The following CSMD3 variants were observed in gnomAD, a reference collection of about 807,000 sequenced individuals.
CSMD3 encodes CUB and Sushi multiple domains 3.
A neutral mutation model predicts 435.2 loss-of-function variants in CSMD3; 177 were observed. The ratio of observed to expected loss-of-function variants is 0.41; its 90% CI spans 0.36 to 0.46. The LOEUF (loss-of-function observed/expected upper bound fraction) is 0.46. Among genes scored for constraint, CSMD3 ranks in the 20% least tolerant of loss-of-function variants. The probability of loss-of-function intolerance (pLI) is 0.34; values close to 1 mark genes in which losing one functional copy is unlikely to be tolerated. For synonymous variants in CSMD3, 1,656 were observed against 1,520.5 expected, an observed-to-expected ratio of 1.09 and a Z score of -2.07; for missense variants, 4,265 against 4,504.6, an observed-to-expected ratio of 0.95 and a Z score of 1.52.
intron 32 of CSMD3, among the ~76,000 whole-genome samples, chr8:112,420,216 C>T (rs1812328964): frequency 6.6e-6 from 1 of 151,980 alleles, no homozygotes; most frequent in Non-Finnish European, 1.5e-5. Flanking sequence ...AAACCATCAC[C>T]CAACTTCAAC....
chr8:112,319,617 C>G (rs1822800358), intron 46 of CSMD3, among the ~76,000 whole-genome samples: 1 of 152,098 alleles, frequency 6.6e-6, no homozygotes, highest in African/African-American at 2.4e-5. Context: ...CAGAAGGCAG[C>G]AAAATAATAG....
At chr8:112,917,321 AG>A (rs1199560229) in intron 10 of CSMD3, among the ~76,000 whole-genome samples, 1 of 151,974 alleles carries the variant, frequency 6.6e-6, no homozygotes, top group African/African-American at 2.4e-5. Context: ...GTAATTGTAA[AG>A]TAATTTTGAA....
At chr8:112,945,418 C>T (rs1186573329) in intron 9 of CSMD3, among the ~76,000 whole-genome samples, 1 of 151,650 alleles carries the variant, frequency 6.6e-6, no homozygotes, top group Non-Finnish European at 1.5e-5. Flanking sequence ...TTTACAACTT[C>T]CCATCATAGG....
At chr8:113,411,328 G>C (rs560769882) in intron 1 of CSMD3, among the ~76,000 whole-genome samples, 1 of 152,216 alleles carries the variant, frequency 6.6e-6, no homozygotes, top group African/African-American at 2.4e-5. Flanking sequence ...CTTTAGTTAG[G>C]AAACTCTTAA....
intron 3 of CSMD3, among the ~76,000 whole-genome samples, chr8:113,240,414 G>C (rs1271527128): frequency 6.6e-6 from 1 of 151,978 alleles, no homozygotes; most frequent in African/African-American, 2.4e-5. Context: ...CTGTCTCTAG[G>C]GCTCTGAGGA....
At position 112,922,288 on chromosome 8, in the gene CSMD3, T is replaced by C. The variant is rs1329639456; in HGVS notation, c.1509-537A>G. ...TTATGGGGTACCTAAGATGTTTTCATGAAGTCATGCAATACGAAATAATCA... is the reference window on the plus strand; with the variant it reads ...TTATGGGGTACCTAAGATGTTTTCACGAAGTCATGCAATACGAAATAATCA... On this transcript the variant is annotated intron_variant, in intron 9 of 70. Transcript: ENST00000297405. 2.6e-5 allele frequency among the ~76,000 whole-genome samples: 4 copies of C among 152,158 alleles called. No homozygotes were observed. The South Asian group carries it at 6.2e-4, about 24-fold the overall frequency.
chr8:113,210,003 G>GGGGT (rs376639820), intron 3 of CSMD3, among the ~76,000 whole-genome samples: 1 of 138,956 alleles, frequency 7.2e-6, no homozygotes, highest in Admixed American at 7.3e-5. Flanking sequence ...TCTCCTAAAA[G>GGGGT]GTGTGTGTGT....
At chr8:112,874,838 T>C (rs529539801) in intron 10 of CSMD3, among the ~76,000 whole-genome samples, 7 of 152,292 alleles carry the variant, frequency 4.6e-5, no homozygotes, top group African/African-American at 1.7e-4. Flanking sequence ...GTCTCCTGAA[T>C]ACAGCACACC....
At chr8:112,508,806 T>C (rs1586555446) in intron 28 of CSMD3, among the ~76,000 whole-genome samples, 2 of 152,194 alleles carry the variant, frequency 1.3e-5, no homozygotes, top group Non-Finnish European at 1.5e-5. Flanking sequence ...TTTTTTTTAA[T>C]TTGGCATAAC....
At chr8:112,441,645 C>T (rs1042835328) in intron 32 of CSMD3, among the ~76,000 whole-genome samples, 2 of 152,196 alleles carry the variant, frequency 1.3e-5, no homozygotes, top group Non-Finnish European at 2.9e-5. Flanking sequence ...GCTTGGGAAG[C>T]TTTGGGAAAT....
intron 3 of CSMD3, among the ~76,000 whole-genome samples, chr8:113,194,098 T>C (rs562838583): frequency 5.3e-5 from 8 of 151,404 alleles, no homozygotes; most frequent in African/African-American, 1.4e-4. Flanking sequence ...AAAAAACCTA[T>C]ACCAAAATAT....
intron 32 of CSMD3, among the ~76,000 whole-genome samples, chr8:112,434,907 A>T (rs1363753799): frequency 6.6e-6 from 1 of 152,076 alleles, no homozygotes; most frequent in Non-Finnish European, 1.5e-5. Flanking sequence ...AAAATCTTTG[A>T]CCTAATGTTT....
intron 1 of CSMD3, among the ~76,000 whole-genome samples, chr8:113,429,327 A>G (rs1300500057): frequency 6.6e-6 from 1 of 151,880 alleles, no homozygotes; most frequent in African/African-American, 2.4e-5. Context: ...CTTAAACATA[A>G]TAAAACCCAT....
At chr8:112,365,475 T>A (rs1313286560) in intron 38 of CSMD3, among the ~76,000 whole-genome samples, 7 of 148,028 alleles carry the variant, frequency 4.7e-5, no homozygotes, top group African/African-American at 1.7e-4. Context: ...TTCCTTTTTT[T>A]TTTTTTTTTT....
chr8:113,288,242 G>T (rs1164519053), intron 2 of CSMD3, among the ~76,000 whole-genome samples: 1 of 151,668 alleles, frequency 6.6e-6, no homozygotes. Context: ...ATTTAAAGTA[G>T]AAAAATATAA....
At chr8:113,276,590 A>G (rs2093572366) in intron 3 of CSMD3, among the ~76,000 whole-genome samples, 1 of 152,046 alleles carries the variant, frequency 6.6e-6, no homozygotes. Context: ...GATTTTCCCC[A>G]AAACCTTTGG....
chr8:112,331,291 A>C (rs1824028242), intron 45 of CSMD3, among the ~76,000 whole-genome samples: 2 of 152,026 alleles, frequency 1.3e-5, no homozygotes, highest in Non-Finnish European at 2.9e-5. Context: ...GATATGAAGA[A>C]AATGCGGTTC....
At chr8:113,194,336 A>G (rs1564412601) in intron 3 of CSMD3, among the ~76,000 whole-genome samples, 1 of 151,306 alleles carries the variant, frequency 6.6e-6, no homozygotes, top group Non-Finnish European at 1.5e-5. Flanking sequence ...ATTTGTTTCA[A>G]TTGTTAATAT....
intron 3 of CSMD3, among the ~76,000 whole-genome samples, chr8:113,176,552 T>G (rs2092349290): frequency 1.3e-5 from 2 of 152,284 alleles, no homozygotes; most frequent in South Asian, 2.1e-4. Context: ...ATATTTAAAC[T>G]TTTGAATTAA....
Sources: allele counts gnomAD v4.1 joint callset (sites outside exome capture counted in the v4.1 genomes callset), GRCh38; gene constraint gnomAD v4.1.1; transcripts MANE v1.5; gene names NCBI Gene and HGNC (gene_info 2026-07-23, HGNC 2026-07-21).